The following DNAH11 variants were observed in gnomAD, a reference collection of about 807,000 sequenced individuals.
DNAH11 encodes dynein axonemal heavy chain 11, also known as axonemal beta dynein heavy chain 11.
Under a neutral mutation model 526.0 loss-of-function variants are expected in DNAH11, and 442 were observed. The ratio of observed to expected loss-of-function variants is 0.84; its 90% CI spans 0.78 to 0.91. The LOEUF (loss-of-function observed/expected upper bound fraction) is 0.91, where lower values mean the gene tolerates loss of function less well. Ranked by LOEUF, DNAH11 falls within the 40% of genes least tolerant of loss-of-function variation. DNAH11 has a pLI of 0.00. For missense variants in DNAH11, 6,989 were observed against 5,448.7 expected (o/e 1.28, Z -8.90); for synonymous variants, 2,461 against 1,935.9 (o/e 1.27, Z -7.12).
intron 14 of DNAH11, among the ~76,000 whole-genome samples, chr7:21,592,371 C>G (rs1272368660): frequency 6.6e-6 from 1 of 152,046 alleles, no homozygotes; most frequent in African/African-American, 2.4e-5. Flanking sequence ...GAAGAACATT[C>G]TGGAGAGCAA....
At position 21,709,324 on chromosome 7, in the gene DNAH11, A is replaced by G. The variant is rs568504226; in HGVS notation, c.6684-1229A>G. Among the ~76,000 whole-genome samples, 5 of 152,348 alleles carry G rather than the reference A, an allele frequency of 3.3e-5. No individual in the cohort carries two copies. In the East Asian group the frequency reaches 9.6e-4, roughly 29 times the overall value. On this transcript the variant is annotated intron_variant, in intron 40 of 81. Coordinates refer to ENST00000409508, the MANE Select transcript of DNAH11 (RefSeq NM_001277115.2). ...ATCCTAAGTGAATTAATGCTGAAAC[A>G]GAAAACCAAATACTGCATATTCTTA...
chr7:21,884,502 C>T (rs1784048907), intron 76 of DNAH11, 92 bp downstream of exon 76: 6 of 1,322,124 alleles, frequency 4.5e-6, no homozygotes, highest in Non-Finnish European at 6.1e-6. Flanking sequence ...ATGGGCAATT[C>T]TTAATGTTAT....
intron 25 of DNAH11, among the ~76,000 whole-genome samples, chr7:21,631,332 C>G (rs1368227166): frequency 6.6e-6 from 1 of 152,166 alleles, no homozygotes; most frequent in Admixed American, 6.5e-5. Flanking sequence ...CCTCCCAAAT[C>G]ATGTCCTCAC....
At chr7:21,832,349 A>G (rs918187966) in intron 65 of DNAH11, among the ~76,000 whole-genome samples, 1 of 152,136 alleles carries the variant, frequency 6.6e-6, no homozygotes, top group Non-Finnish European at 1.5e-5. Flanking sequence ...TGCTTCCTTC[A>G]GGAAAGGCCT....
intron 2 of DNAH11, among the ~76,000 whole-genome samples, chr7:21,555,692 C>T (rs1186517924): frequency 6.6e-6 from 1 of 152,212 alleles, no homozygotes; most frequent in South Asian, 2.1e-4. Flanking sequence ...ATGACGTTGC[C>T]TGGTTGCCAT....
chr7:21,726,678 G>A (rs558172166), intron 45 of DNAH11, among the ~76,000 whole-genome samples: 14 of 150,848 alleles, frequency 9.3e-5, no homozygotes, highest in Middle Eastern at 3.4e-3. Context: ...TGGCTAACAC[G>A]GTGAAACCCC....
chr7:21,768,671 T>G (rs1037440037), intron 55 of DNAH11, among the ~76,000 whole-genome samples: 11 of 152,234 alleles, frequency 7.2e-5, no homozygotes, highest in Non-Finnish European at 1.2e-4. Context: ...CCTCTTCAAT[T>G]GTTGCAGTTT....
intron 30 of DNAH11, among the ~76,000 whole-genome samples, chr7:21,670,825 G>A (rs1461343383): frequency 1.3e-5 from 2 of 151,802 alleles, no homozygotes; most frequent in Non-Finnish European, 2.9e-5. Context: ...TTGCATTCCT[G>A]AATAATAAAC....
intron 65 of DNAH11, among the ~76,000 whole-genome samples, chr7:21,839,846 C>T (rs1417864458): frequency 1.3e-5 from 2 of 152,292 alleles, no homozygotes; most frequent in South Asian, 4.1e-4. Context: ...TAAGATCACT[C>T]TGCAGGGAAA....
intron 61 of DNAH11, among the ~76,000 whole-genome samples, chr7:21,794,229 A>G (rs1002488287): frequency 6.6e-6 from 1 of 152,178 alleles, no homozygotes; most frequent in Admixed American, 6.5e-5. Flanking sequence ...CCACATCATC[A>G]TCTCATTAGA....
rs529143925 is a variant in DNAH11, at chr7:21,599,109, G to C, written c.2668-678G>C. 2.6e-4 allele frequency among the ~76,000 whole-genome samples: 40 copies of C among 152,310 alleles called. 1 individual carries two copies. In the South Asian group the frequency reaches 8.3e-3, roughly 32 times the overall value. The stretch of plus-strand genomic sequence containing the variant: ...CCTTTTGGTGTATATCCAGTGATGG[G>C]ATTGCTGGGTCAAATGATATTTCTG... On this transcript the variant is annotated intron_variant, in intron 14 of 81. Coordinates refer to ENST00000409508, the MANE Select transcript of DNAH11 (RefSeq NM_001277115.2).
chr7:21,900,922 T>A (rs1784778678), intron 81 of DNAH11, 85 bp from the exon 82 acceptor site: 2 of 1,425,238 alleles, frequency 1.4e-6, no homozygotes, highest in South Asian at 1.5e-5. Flanking sequence ...GAATGTTGAA[T>A]GTTTATTGCA....
At chr7:21,577,413 T>C (rs542695966) in intron 8 of DNAH11, among the ~76,000 whole-genome samples, 1 of 152,252 alleles carries the variant, frequency 6.6e-6, no homozygotes, top group East Asian at 1.9e-4. Flanking sequence ...AGCCATGATT[T>C]TCATCCCTGC....
At chr7:21,641,927 C>G (rs985620468) in intron 28 of DNAH11, among the ~76,000 whole-genome samples, 3 of 152,136 alleles carry the variant, frequency 2.0e-5, no homozygotes. Flanking sequence ...TATGATGAAG[C>G]TGAATGTTAA....
At chr7:21,887,144 C>G (rs62445889) in intron 76 of DNAH11, among the ~76,000 whole-genome samples, 7,988 of 152,234 alleles carry the variant, frequency 0.052, 261 homozygotes, top group Non-Finnish European at 0.067. Flanking sequence ...CAAAAAGCAA[C>G]CCATTCATGG....
intron 65 of DNAH11, among the ~76,000 whole-genome samples, chr7:21,833,412 G>C (rs1357767809): frequency 1.3e-5 from 2 of 152,178 alleles, no homozygotes; most frequent in African/African-American, 4.8e-5. Flanking sequence ...GACAGGATGG[G>C]CTGGGCACAG....
intron 50 of DNAH11, 40 bp downstream of exon 50, chr7:21,744,639 A>G (rs764235345): frequency 1.2e-6 from 2 of 1,604,532 alleles, no homozygotes; most frequent in Non-Finnish European, 8.5e-7. Flanking sequence ...TTACTCCAAC[A>G]CCAACTGGGT....
intron 33 of DNAH11, 60 bp downstream of exon 33, chr7:21,687,315 A>T: frequency 6.4e-7 from 1 of 1,560,344 alleles, no homozygotes; most frequent in Non-Finnish European, 8.7e-7. Flanking sequence ...CCTGATTGGG[A>T]ATTATTCAAT....
intron 72 of DNAH11, 77 bp downstream of exon 72, chr7:21,868,084 G>A: frequency 8.7e-7 from 1 of 1,145,934 alleles, no homozygotes; most frequent in Non-Finnish European, 1.1e-6. Flanking sequence ...CTTCTTTTCA[G>A]TTCACAGTGA....
Sources: gnomAD v4.1 joint callset for allele counts (sites outside exome capture counted in the v4.1 genomes callset) on GRCh38, gnomAD v4.1.1 for gene constraint, MANE v1.5 for transcripts, NCBI Gene and HGNC (gene_info 2026-07-23, HGNC 2026-07-21) for gene names.